Variants in DTNB observed in about 807,000 individuals in gnomAD.
The protein encoded by DTNB is dystrobrevin beta.
In DTNB, 63 loss-of-function variants were observed where a neutral mutation model predicts 90.7. The ratio of observed to expected loss-of-function variants is 0.69; its 90% CI spans 0.57 to 0.86. The LOEUF (loss-of-function observed/expected upper bound fraction) is 0.86. Among genes scored for constraint, DTNB ranks in the 40% least tolerant of loss-of-function variants. The pLI is 0.00. For synonymous variants in DTNB, 277 were observed against 286.7 expected (o/e 0.97, Z 0.34); for missense variants, 744 against 807.1 (o/e 0.92, Z 0.95).
chr2:25,488,594 G>A (rs1322483614), intron 9 of DTNB, among the ~76,000 whole-genome samples: 8 of 152,176 alleles, frequency 5.3e-5, no homozygotes, highest in African/African-American at 1.9e-4. Flanking sequence ...ATACATGAGT[G>A]TCATTAAACA....
At chr2:25,515,599 T>C (rs888663030) in intron 9 of DTNB, among the ~76,000 whole-genome samples, 11 of 151,748 alleles carry the variant, frequency 7.2e-5, no homozygotes, top group Admixed American at 2.6e-4. Context: ...ATTTATTTAT[T>C]TATTTAAGAC....
At position 25,493,700 on chromosome 2, in the gene DTNB, C is replaced by A. The variant is rs535978789; in HGVS notation, c.1002-10827G>T. 2.6e-5 allele frequency among the ~76,000 whole-genome samples: 4 copies of A among 152,238 alleles called. No individual in the cohort carries two copies. In the South Asian group the frequency reaches 8.3e-4, roughly 32 times the overall value. On this transcript the variant is annotated intron_variant, in intron 9 of 20. Coordinates refer to ENST00000406818, the MANE Select transcript of DTNB (RefSeq NM_021907.5). Reference sequence around the variant, plus strand: ...AAGCTCCATTTAAATAAACATTGGCCATAGTATGCAAACAAACAAAAATCC... The same window carrying A: ...AAGCTCCATTTAAATAAACATTGGCAATAGTATGCAAACAAACAAAAATCC...
intron 6 of DTNB, among the ~76,000 whole-genome samples, chr2:25,589,932 C>G (rs73922439): frequency 0.068 from 10,341 of 152,220 alleles, 1,139 homozygotes; most frequent in African/African-American, 0.23. Context: ...AGCAGTGAAG[C>G]GAGTGTGAAG....
chr2:25,432,436 T>C (rs1288712392), intron 14 of DTNB, among the ~76,000 whole-genome samples: 2 of 151,592 alleles, frequency 1.3e-5, no homozygotes, highest in Non-Finnish European at 2.9e-5. Flanking sequence ...AAGGGTTTCA[T>C]GTCTCAGAGA....
intron 8 of DTNB, among the ~76,000 whole-genome samples, chr2:25,565,503 G>C (rs1409654726): frequency 2.0e-5 from 3 of 152,058 alleles, no homozygotes; most frequent in Non-Finnish European, 2.9e-5. Context: ...TCCCTCCTGA[G>C]TCTCTCGAAG....
At chr2:25,508,522 G>A (rs2073067559) in intron 9 of DTNB, among the ~76,000 whole-genome samples, 2 of 137,778 alleles carry the variant, frequency 1.5e-5, no homozygotes, top group Admixed American at 1.4e-4. Context: ...TTTTTGAGAT[G>A]GAGTTTCGCT....
chr2:25,395,670 C>T (rs1464436894), intron 16 of DTNB, among the ~76,000 whole-genome samples: 1 of 151,714 alleles, frequency 6.6e-6, no homozygotes, highest in Non-Finnish European at 1.5e-5. Flanking sequence ...CATGATTAAA[C>T]AAATTAATAC....
chr2:25,597,924 C>T (rs1033972340), intron 5 of DTNB, among the ~76,000 whole-genome samples: 5 of 152,124 alleles, frequency 3.3e-5, no homozygotes, highest in African/African-American at 1.2e-4. Context: ...CAAAAAGATA[C>T]ATGATAAGCC....
chr2:25,625,830 C>T (rs577709598), intron 4 of DTNB, among the ~76,000 whole-genome samples: 1 of 152,054 alleles, frequency 6.6e-6, no homozygotes, highest in African/African-American at 2.4e-5. Context: ...AATCCTAACC[C>T]CCAAGGTACG....
intron 16 of DTNB, among the ~76,000 whole-genome samples, chr2:25,407,227 C>G (rs538088018): frequency 6.6e-6 from 1 of 152,128 alleles, no homozygotes; most frequent in South Asian, 2.1e-4. Context: ...TGAGATACCA[C>G]CTTACCCCTG....
intron 10 of DTNB, among the ~76,000 whole-genome samples, chr2:25,460,481 A>G (rs1326578734): frequency 1.3e-5 from 2 of 152,154 alleles, no homozygotes; most frequent in Admixed American, 1.3e-4. Context: ...GACAGAAAAG[A>G]GAAGTGGTCC....
intron 1 of DTNB, among the ~76,000 whole-genome samples, chr2:25,654,406 T>C (rs1480001905): frequency 1.3e-5 from 2 of 152,200 alleles, no homozygotes; most frequent in Non-Finnish European, 1.5e-5. Context: ...GGGACACTGC[T>C]AAACATTCTA....
intron 6 of DTNB, among the ~76,000 whole-genome samples, chr2:25,591,377 G>A (rs989678131): frequency 2.6e-5 from 4 of 152,294 alleles, no homozygotes; most frequent in East Asian, 1.9e-4. Context: ...CCCCAGCCAC[G>A]CCTCCCCCAG....
At chr2:25,651,058 A>G (rs1002437679) in intron 2 of DTNB, among the ~76,000 whole-genome samples, 4 of 152,234 alleles carry the variant, frequency 2.6e-5, no homozygotes, top group Middle Eastern at 3.2e-3. Context: ...CAAGACTGGA[A>G]GAAGGGATCA....
At chr2:25,398,942 G>A (rs1342891680) in intron 16 of DTNB, among the ~76,000 whole-genome samples, 2 of 152,216 alleles carry the variant, frequency 1.3e-5, no homozygotes, top group Non-Finnish European at 2.9e-5. Flanking sequence ...TGACAATGAA[G>A]TGCATCACAT....
chr2:25,485,225 T>C (rs908266082), intron 9 of DTNB, among the ~76,000 whole-genome samples: 1 of 152,192 alleles, frequency 6.6e-6, no homozygotes, highest in African/African-American at 2.4e-5. Context: ...CCTAGGCTGG[T>C]CTTGAACTCC....
At chr2:25,383,934 A>C (rs1376812176) in intron 18 of DTNB, 45 bp from the exon 19 acceptor site, 1 of 1,613,898 alleles carries the variant, frequency 6.2e-7, no homozygotes, top group African/African-American at 1.3e-5. Flanking sequence ...TCGGCACAGG[A>C]CAAGTACAGA....
intron 9 of DTNB, among the ~76,000 whole-genome samples, chr2:25,498,576 G>C (rs184131484): frequency 2.8e-4 from 42 of 152,226 alleles, no homozygotes; most frequent in Non-Finnish European, 5.1e-4. Context: ...ACTACAGACC[G>C]AGTGCAGTGG....
intron 2 of DTNB, among the ~76,000 whole-genome samples, chr2:25,643,614 G>A (rs1277637483): frequency 1.3e-5 from 2 of 152,212 alleles, no homozygotes; most frequent in Non-Finnish European, 2.9e-5. Context: ...GACAATCAAA[G>A]TAGAGGGGAA....
Sources: gnomAD v4.1 joint callset for allele counts (sites outside exome capture counted in the v4.1 genomes callset) on GRCh38, gnomAD v4.1.1 for gene constraint, MANE v1.5 for transcripts, NCBI Gene and HGNC (gene_info 2026-07-23, HGNC 2026-07-21) for gene names.